The following PDE4C variants were observed in gnomAD, a reference collection of about 807,000 sequenced individuals.
The protein encoded by PDE4C is 3',5'-cyclic-AMP phosphodiesterase 4C.
Under a neutral mutation model 63.9 loss-of-function variants are expected in PDE4C, and 50 were observed. The ratio of observed to expected loss-of-function variants is 0.78; its 90% CI spans 0.62 to 0.99. The LOEUF (loss-of-function observed/expected upper bound fraction) is 0.99, where lower values mean the gene tolerates loss of function less well. Among genes scored for constraint, PDE4C ranks in the 50% least tolerant of loss-of-function variants. The pLI is 0.00. For synonymous variants in PDE4C, 377 were observed against 385.1 expected (o/e 0.98, Z 0.25); for missense variants, 777 against 899.1 (o/e 0.86, Z 1.74).
exon 15 of PDE4C, chr19:18,210,848 AGCC>A: frequency 1.3e-6 from 2 of 1,510,642 alleles, no homozygotes; most frequent in Non-Finnish European, 1.8e-6. Flanking sequence ...AGCCACATGG[AGCC>A]TCTTCCTGGA....
At chr19:18,235,473 G>C (rs1968935145), upstream of PDE4C, among the ~76,000 whole-genome samples, 1 of 152,026 alleles carries the variant, frequency 6.6e-6, no homozygotes, top group Non-Finnish European at 1.5e-5. Flanking sequence ...GCCCAGCCCT[G>C]GTGTTGTGTC....
exon 1 of PDE4C, chr19:18,233,060 C>A: frequency 6.4e-7 from 1 of 1,569,988 alleles, no homozygotes; most frequent in South Asian, 1.2e-5. Flanking sequence ...AATAGAAGCG[C>A]TGTTGGATGC....
intron 1 of PDE4C, 49 bp from the exon 2 acceptor site, chr19:18,222,372 T>G (rs1488598014): frequency 6.5e-7 from 1 of 1,545,668 alleles, no homozygotes; most frequent in Non-Finnish European, 8.8e-7. Flanking sequence ...GACAACTGGG[T>G]GCCGGGTCGT....
chr19:18,251,576 A>C (rs1969229442), upstream of PDE4C, among the ~76,000 whole-genome samples: 1 of 151,490 alleles, frequency 6.6e-6, no homozygotes, highest in African/African-American at 2.4e-5. Flanking sequence ...CTGAGATTAC[A>C]GGCGTCTGCC....
At chr19:18,213,019 C>G (rs1443180211) in intron 13 of PDE4C, among the ~76,000 whole-genome samples, 2 of 139,058 alleles carry the variant, frequency 1.4e-5, no homozygotes, top group East Asian at 5.3e-4. Context: ...ACCGGCCGGG[C>G]GCGGTGGCTC....
At chr19:18,235,709 A>G (rs553334417), upstream of PDE4C, among the ~76,000 whole-genome samples, 1 of 150,420 alleles carries the variant, frequency 6.6e-6, no homozygotes, top group South Asian at 2.1e-4. Flanking sequence ...CACACCTCTC[A>G]CTCTCCAGGG....
chr19:18,240,462 T>C lies in PDE4C; in HGVS notation c.-209-7062A>G, dbSNP rs762414223. ...AAAAAACGGGGCTGGGCACGGTGGC[T>C]CATGCCTATAATCCCAGCACTTTGG... On this transcript the variant is annotated intron_variant, in intron 1 of 15. Transcript: ENST00000594617. Among the ~76,000 whole-genome samples the C allele has an allele frequency of 1.5e-3, 225 of 146,426 alleles. 3 individuals are homozygous for C. The highest frequency in any genetic ancestry group is 4.4e-3 in the Admixed American group (64 of 14,514).
intron 9 of PDE4C, 55 bp from the exon 10 acceptor site, chr19:18,218,553 CT>C: frequency 1.3e-6 from 2 of 1,590,048 alleles, no homozygotes; most frequent in Non-Finnish European, 1.7e-6. Context: ...GCAGCACACG[CT>C]GTTCCTACCC....
rs554204274 is a variant in PDE4C at position 18,220,548 on chromosome 19, C to A, written c.500-33G>T. The stretch of plus-strand genomic sequence containing the variant: ...CCGAGGCAGTCAGGGGCCTGCCCAA[C>A]CCCCCCGCTCAGGGACCCCACGCCT... On this transcript the variant is annotated intron_variant, in intron 5 of 14. Transcript: ENST00000262805. The surrounding 1 kb of genome is among the most constrained non-coding windows in gnomAD (Gnocchi z 5.1). 1 of 279,506 alleles carries A rather than the reference C, an allele frequency of 3.6e-6. No individual in the cohort carries two copies. Among genetic ancestry groups the A allele is most frequent in the Non-Finnish European group, 6.1e-6 (1 of 163,506 alleles). 17.3% of individuals were successfully genotyped at this position (279,506 alleles called of 1,614,324 possible).
At chr19:18,211,033 T>A in exon 15 of PDE4C, 1 of 1,614,208 alleles carries the variant, frequency 6.2e-7, no homozygotes. Flanking sequence ...GCTAAAGCTG[T>A]CTCTTCCCCC....
At chr19:18,209,251 AT>A (rs897625586), downstream of PDE4C, 116 of 140,248 alleles carry the variant, frequency 8.3e-4, no homozygotes, top group Middle Eastern at 3.5e-3. Flanking sequence ...TGCCTGGCTA[AT>A]TTTTTTTTTT....
exon 1 of PDE4C, chr19:18,233,382 T>G (rs1568265303): frequency 1.3e-6 from 1 of 752,950 alleles, no homozygotes. Flanking sequence ...ACCGAGGAGC[T>G]GTCGATGCCC....
rs567181028 is a variant in PDE4C, at chr19:18,231,616, C to T, written c.242+1334G>A. 4.6e-5 allele frequency among the ~76,000 whole-genome samples: 7 copies of T among 152,178 alleles called. No homozygotes were observed. The South Asian group carries it at 1.5e-3, about 32-fold the overall frequency. The stretch of plus-strand genomic sequence containing the variant: ...CAGTGGCCCCTAGGGGGTCCATGCA[C>T]CAGGACGCAAGAAAGCCAAGCTCCA... On this transcript the variant is annotated intron_variant, in intron 1 of 14. Coordinates refer to the PDE4C transcript ENST00000594465.
chr19:18,232,498 T>A (rs949251798), intron 1 of PDE4C, among the ~76,000 whole-genome samples: 1 of 151,546 alleles, frequency 6.6e-6, no homozygotes, highest in Non-Finnish European at 1.5e-5. Flanking sequence ...CCTGCGGACA[T>A]TCCACAACCC....
At chr19:18,236,142 A>G (rs1600099627), upstream of PDE4C, among the ~76,000 whole-genome samples, 1 of 151,838 alleles carries the variant, frequency 6.6e-6, no homozygotes, top group East Asian at 1.9e-4. Context: ...ACGGAGTTTC[A>G]CCATGTTAGC....
chr19:18,226,876 G>A (rs1453249124), upstream of PDE4C, among the ~76,000 whole-genome samples: 2 of 152,048 alleles, frequency 1.3e-5, no homozygotes, highest in Non-Finnish European at 2.9e-5. Flanking sequence ...AAAGTGCTGG[G>A]ATTATAGGTG....
In PDE4C at chr19:18,222,381, G is replaced by A. The variant is rs563909507; in HGVS notation, c.147-58C>T. The stretch of plus-strand genomic sequence containing the variant: ...GGTCATGACAACTGGGTGCCGGGTC[G>A]TGGCCACCTTGTCTGGTGCGTCCTC... On this transcript the variant is annotated intron_variant, in intron 1 of 14. Transcript: ENST00000262805. 390 of 1,511,414 alleles carry A rather than the reference G, an allele frequency of 2.6e-4. 1 individual carries two copies. The African/African-American group carries it at 4.1e-3, about 16-fold the overall frequency. 93.6% of individuals were successfully genotyped at this position (1,511,414 alleles called of 1,614,324 possible). A position where few individuals can be genotyped will look rare whatever the true frequency, so the allele number is the denominator to read the frequency against.
In PDE4C at chr19:18,218,398, T is replaced by C. The variant is rs760498191; in HGVS notation, c.1070A>G (p.Asn357Ser). Residue 357 changes from asparagine to serine, a missense_variant, in exon 10 of 15, where the codon AAC (asparagine) becomes AGC (serine). By Grantham distance (46) the Asn-to-Ser change is conservative. Around this residue, in one of 3 missense-constraint regions of PDE4C, gnomAD observed 500 missense variants for 597.8 expected, o/e 0.84. Transcript: ENST00000262805. Reference sequence around the variant, plus strand: ...GGCCACGTCGGCGGCATGTAGGCTGTTGTGGTAGGCCACATTGGCGTGGTA... The same window carrying C: ...GGCCACGTCGGCGGCATGTAGGCTGCTGTGGTAGGCCACATTGGCGTGGTA... 4 of 1,614,254 alleles carry C rather than the reference T, an allele frequency of 2.5e-6. No individual in the cohort carries two copies. Among genetic ancestry groups the C allele is most frequent in the Admixed American group, 1.7e-5 (1 of 60,034 alleles).
At chr19:18,240,850 G>A (rs1969024099) in intron 1 of PDE4C, among the ~76,000 whole-genome samples, 2 of 152,222 alleles carry the variant, frequency 1.3e-5, no homozygotes, top group African/African-American at 2.4e-5. Flanking sequence ...ACTTCTGTGT[G>A]TGTAAGGGAT....
Sources: gnomAD v4.1 joint callset for allele counts (sites outside exome capture counted in the v4.1 genomes callset) on GRCh38, gnomAD v4.1.1 for gene constraint, gnomAD v4.1.1 regional missense constraint, Gnocchi (gnomAD v3.1) non-coding constraint, MANE v1.5 for transcripts, NCBI Gene and HGNC (gene_info 2026-07-23, HGNC 2026-07-21) for gene names.